The following RTTN variants were observed in gnomAD, a reference collection of about 807,000 sequenced individuals.
RTTN encodes rotatin.
A neutral mutation model predicts 269.2 loss-of-function variants in RTTN; 182 were observed. The ratio of observed to expected loss-of-function variants is 0.68; its 90% CI spans 0.60 to 0.76. The LOEUF is 0.76. Among genes scored for constraint, RTTN ranks in the 30% least tolerant of loss-of-function variants. RTTN has a pLI of 0.00. For missense variants in RTTN, 2,545 were observed against 2,608.6 expected (o/e 0.98, Z 0.53); for synonymous variants, 1,006 against 963.5 (o/e 1.04, Z -0.82).
At chr18:70,064,259 A>G (rs1195829822) in intron 35 of RTTN, among the ~76,000 whole-genome samples, 2 of 149,204 alleles carry the variant, frequency 1.3e-5, no homozygotes, top group Non-Finnish European at 3.0e-5. Flanking sequence ...AATCTCCTGA[A>G]CCCAGGAGGC....
Position 70,051,430 on chromosome 18 carries a change from C to A in RTTN, c.5304G>T (p.Lys1768Asn). 6.2e-7 allele frequency: 1 copy of A among 1,613,318 alleles called. No individual in the cohort carries two copies. Among genetic ancestry groups the A allele is most frequent in the African/African-American group, 1.3e-5 (1 of 75,012 alleles). Residue 1768 changes from lysine (K) to asparagine (N), a missense_variant, in exon 39 of 49, where the codon AAG (lysine) becomes AAT (asparagine). Physicochemically the swap from Lys to Asn is moderately conservative, Grantham distance 94. Coordinates refer to ENST00000640769, the MANE Select transcript of RTTN (RefSeq NM_173630.4). ...TCTTACCAATCGCCGCTGTCCAGTG[C>A]TTGGCCAGGGCCACGGTAACAAACG... Reference protein sequence around the residue: ...TLPFVTVALAKHWTAAIDMFC... With the variant: ...TLPFVTVALANHWTAAIDMFC...
intron 14 of RTTN, among the ~76,000 whole-genome samples, chr18:70,152,036 GA>G (rs1171687980): frequency 6.6e-6 from 1 of 152,104 alleles, no homozygotes; most frequent in East Asian, 1.9e-4. Context: ...CAACCTCAAC[GA>G]TGCCAAATCC....
intron 40 of RTTN, among the ~76,000 whole-genome samples, chr18:70,042,643 T>C (rs2057380135): frequency 6.6e-6 from 1 of 152,184 alleles, no homozygotes; most frequent in Non-Finnish European, 1.5e-5. Flanking sequence ...CCCAACGTGC[T>C]GGGATTACAG....
chr18:70,032,520 G>A (rs2057046300), intron 40 of RTTN, among the ~76,000 whole-genome samples: 1 of 151,950 alleles, frequency 6.6e-6, no homozygotes, highest in Non-Finnish European at 1.5e-5. Flanking sequence ...AAAAAAGCAG[G>A]GATTGCAATT....
intron 41 of RTTN, 71 bp downstream of exon 41, chr18:70,030,801 AAATT>A: frequency 8.8e-7 from 1 of 1,133,526 alleles, no homozygotes; most frequent in Non-Finnish European, 1.3e-6. Flanking sequence ...AGTCCAAAGA[AAATT>A]AACTTGAACA....
chr18:70,200,161 G>A (rs1027103088), intron 4 of RTTN, among the ~76,000 whole-genome samples: 1 of 152,212 alleles, frequency 6.6e-6, no homozygotes, highest in African/African-American at 2.4e-5. Flanking sequence ...CAGTCTTTCT[G>A]CCAAGTGCTT....
chr18:70,110,645 C>T (rs1345661214), intron 27 of RTTN, among the ~76,000 whole-genome samples: 4 of 152,184 alleles, frequency 2.6e-5, no homozygotes, highest in Non-Finnish European at 5.9e-5. Context: ...GGGCAGACAC[C>T]AAACAAGCTG....
At chr18:70,133,340 T>G (rs1005604928) in intron 23 of RTTN, among the ~76,000 whole-genome samples, 3 of 152,144 alleles carry the variant, frequency 2.0e-5, no homozygotes, top group Non-Finnish European at 2.9e-5. Context: ...GGTAGGAATG[T>G]AAATCAGCAC....
At chr18:70,038,891 A>G (rs768906280) in intron 40 of RTTN, among the ~76,000 whole-genome samples, 15 of 152,218 alleles carry the variant, frequency 9.9e-5, no homozygotes, top group Non-Finnish European at 1.8e-4. Context: ...TAAATAATTA[A>G]GAAGAATGAA....
At position 70,205,278 on chromosome 18, in the gene RTTN, C is replaced by T; in HGVS notation, c.69G>A (p.Lys23=). 6.2e-7 allele frequency: 1 copy of T among 1,614,216 alleles called. No homozygotes were observed. The highest frequency in any genetic ancestry group is 1.1e-5 in the South Asian group (1 of 91,086). ...QLAEIRERAL[K]SILCKIEHNL... ...TGTGCTCAATCTTGCAGAGAATACT[C>T]TTGAGAGCGCGCTCCCTGATCTCGG... The change falls in exon 2 of 49, where the codon AAG becomes AAA. Residue 23 remains lysine, a synonymous_variant. Transcript: ENST00000640769.
At chr18:70,191,645 G>A (rs560904152) in intron 8 of RTTN, among the ~76,000 whole-genome samples, 48 of 152,152 alleles carry the variant, frequency 3.2e-4, no homozygotes, top group African/African-American at 8.7e-4. Context: ...GTGTAGAAAG[G>A]CTAGAGCCTC....
chr18:70,135,062 A>C, intron 22 of RTTN, 122 bp downstream of exon 22: 1 of 541,168 alleles, frequency 1.8e-6, no homozygotes, highest in Non-Finnish European at 3.2e-6. Flanking sequence ...CATACCACAT[A>C]TGTGTAGCAT....
chr18:70,183,635 T>C (rs1325740184), intron 10 of RTTN, among the ~76,000 whole-genome samples: 1 of 152,134 alleles, frequency 6.6e-6, no homozygotes, highest in African/African-American at 2.4e-5. Context: ...AAACATTCTT[T>C]GTTGTGGTGA....
chr18:70,019,620 G>A (rs575315155), intron 45 of RTTN: 1 of 152,270 alleles, frequency 6.6e-6, no homozygotes, highest in East Asian at 1.9e-4. Context: ...GCTGAATTAC[G>A]TGGTGTGATA....
At chr18:70,194,343 T>C (rs1386798009) in intron 7 of RTTN, 2 of 152,250 alleles carry the variant, frequency 1.3e-5, no homozygotes, top group African/African-American at 4.8e-5. Context: ...GCTTTATATA[T>C]TGCTGATAGA....
Position 70,017,586 on chromosome 18 carries a change from A to G in RTTN, c.6242T>C (p.Leu2081Ser). 1.2e-6 allele frequency: 2 copies of G among 1,614,060 alleles called. No individual in the cohort carries two copies. Among genetic ancestry groups the G allele is most frequent in the Non-Finnish European group, 8.5e-7 (1 of 1,179,936 alleles). Residue 2081 changes from leucine to serine, a missense_variant, in exon 46 of 49, where the codon TTA (leucine) becomes TCA (serine). Leu to Ser is a moderately radical substitution (Grantham distance 145). Transcript: ENST00000640769. ...TTCTCCAGATGATATATTCAGGAGT[A>G]ACTTCAACCAAAGAATAGTCAGATT... is the stretch of plus-strand genomic sequence containing the variant. ...LSNLTILWLK[L>S]LLNISSGEDG...
chr18:70,188,062 T>TA (rs2061586922), intron 10 of RTTN, 46 bp downstream of exon 10: 5 of 1,180,720 alleles, frequency 4.2e-6, no homozygotes, highest in Non-Finnish European at 6.2e-6. Context: ...ACCAAAATCT[T>TA]AAAAAATACT....
intron 44 of RTTN, 104 bp from the exon 45 acceptor site, chr18:70,020,921 T>G (rs2056685715): frequency 1.1e-6 from 1 of 922,812 alleles, no homozygotes; most frequent in Non-Finnish European, 1.6e-6. Flanking sequence ...GACTAGGCCA[T>G]TAACCTGTGA....
intron 14 of RTTN, among the ~76,000 whole-genome samples, chr18:70,158,184 TAAAAG>T (rs1258516202): frequency 6.6e-6 from 1 of 151,592 alleles, no homozygotes; most frequent in East Asian, 1.9e-4. Flanking sequence ...GAAAAAATCT[TAAAAG>T]GAAGCTAGAA....
Sources: gnomAD v4.1 joint callset for allele counts (sites outside exome capture counted in the v4.1 genomes callset) on GRCh38, gnomAD v4.1.1 for gene constraint, MANE v1.5 for transcripts, NCBI Gene and HGNC (gene_info 2026-07-23, HGNC 2026-07-21) for gene names.